Variants in HACL1 observed in about 807,000 individuals in gnomAD.
HACL1 encodes the protein 2-hydroxyacyl-CoA lyase 1.
A neutral mutation model predicts 74.2 loss-of-function variants in HACL1; 64 were observed. That is an observed-to-expected ratio of 0.86 (90% CI 0.70 to 1.06). The LOEUF is 1.06. HACL1 is among the 50% of genes least tolerant of loss of function. HACL1 has a pLI of 0.00. For synonymous variants in HACL1, 230 were observed against 238.8 expected, an observed-to-expected ratio of 0.96 and a Z score of 0.34; for missense variants, 728 against 719.7, an observed-to-expected ratio of 1.01 and a Z score of -0.13.
intron 12 of HACL1, 31 bp downstream of exon 12, chr3:15,571,637 T>C: frequency 1.1e-6 from 1 of 887,346 alleles, no homozygotes. Context: ...GAGCCTGACC[T>C]GTTATTGAGC....
intron 3 of HACL1, 64 bp downstream of exon 3, chr3:15,596,320 G>C (rs1337442221): frequency 1.2e-6 from 1 of 830,734 alleles, no homozygotes. Flanking sequence ...TCCTTCAGCT[G>C]AAAGACGTAA....
Position 15,567,699 on chromosome 3 carries a change from C to A in HACL1, c.1409+145G>T, listed in dbSNP as rs994064089. The A allele has an allele frequency of 2.4e-5, 17 of 700,774 alleles. No homozygotes were observed. The African/African-American group carries it at 2.8e-4, about 12-fold the overall frequency. The allele number at this position is 700,774 out of a possible 1,614,324, so 43.4% of individuals were successfully genotyped here. On this transcript the variant is annotated intron_variant, in intron 14 of 16. Coordinates refer to ENST00000321169, the MANE Select transcript of HACL1 (RefSeq NM_012260.4). ...GGAAGAGAAAGACCGTGGGTTACTGCCACTAGCATCCTCAGGACAGAACAC... is the reference window on the plus strand; with the variant it reads ...GGAAGAGAAAGACCGTGGGTTACTGACACTAGCATCCTCAGGACAGAACAC...
At chr3:15,577,270 A>C (rs62243581) in intron 9 of HACL1, among the ~76,000 whole-genome samples, 2 of 152,082 alleles carry the variant, frequency 1.3e-5, no homozygotes, top group African/African-American at 4.8e-5. Flanking sequence ...GGATCACTTG[A>C]GCCTAGGGGT....
At chr3:15,592,192 GTATA>G (rs1351232176) in intron 3 of HACL1, among the ~76,000 whole-genome samples, 2 of 148,348 alleles carry the variant, frequency 1.3e-5, no homozygotes, top group Non-Finnish European at 3.0e-5. Flanking sequence ...GTATACATAC[GTATA>G]TATGTATACA....
chr3:15,600,004 G>C (rs1574954969), intron 2 of HACL1, among the ~76,000 whole-genome samples: 1 of 152,208 alleles, frequency 6.6e-6, no homozygotes, highest in Non-Finnish European at 1.5e-5. Flanking sequence ...GTAAAATGTA[G>C]AAGCAACAGA....
rs200222129 is a variant in HACL1 at position 15,568,404 on chromosome 3, C to G, written c.1250+28G>C. 7.7e-3 allele frequency: 10,843 copies of G among 1,410,560 alleles called. 59 individuals carry two copies. The highest frequency in any genetic ancestry group is 0.036 in the Middle Eastern group (198 of 5,442). 87.4% of individuals were successfully genotyped at this position (1,410,560 alleles called of 1,614,324 possible). On this transcript the variant is annotated intron_variant, in intron 13 of 16. Transcript: ENST00000321169. ...ATATTAAACACATTATAATGAATTA[C>G]GACTTCTTTCTTCTTTAGAAGTCTT...
In HACL1 at chr3:15,592,080, G is replaced by A. The variant is rs1466642477; in HGVS notation, c.228-400C>T. On this transcript the variant is annotated intron_variant, in intron 3 of 16. Coordinates refer to ENST00000321169, the MANE Select transcript of HACL1 (RefSeq NM_012260.4). ...CGTATATATACGTATATACGTATAC[G>A]TATATATACACACACTATATACGTA... Among the ~76,000 whole-genome samples, 182 of 76,254 alleles carry A rather than the reference G, an allele frequency of 2.4e-3. 2 individuals are homozygous for A. The highest frequency in any genetic ancestry group is 9.1e-3 in the African/African-American group (168 of 18,562). The allele number at this position is 76,254 out of a possible 152,430, so 50.0% of individuals were successfully genotyped here.
chr3:15,599,250 A>C (rs1279881198), intron 2 of HACL1, among the ~76,000 whole-genome samples: 1 of 152,240 alleles, frequency 6.6e-6, no homozygotes, highest in Non-Finnish European at 1.5e-5. Flanking sequence ...TGTATCCAGC[A>C]CCCAACACAG....
chr3:15,589,661 G>A, intron 4 of HACL1, 49 bp from the exon 5 acceptor site: 1 of 1,065,304 alleles, frequency 9.4e-7, no homozygotes, highest in Middle Eastern at 2.1e-4. Context: ...AGATCATCAT[G>A]TAAAACACTA....
At chr3:15,579,232 A>G (rs985535751) in intron 9 of HACL1, among the ~76,000 whole-genome samples, 58 of 152,260 alleles carry the variant, frequency 3.8e-4, no homozygotes, top group African/African-American at 1.4e-3. Flanking sequence ...CAGTACAAAA[A>G]GAGCCAGAAA....
chr3:15,584,972 G>C (rs1287284465), intron 7 of HACL1, among the ~76,000 whole-genome samples: 2 of 152,080 alleles, frequency 1.3e-5, no homozygotes, highest in African/African-American at 4.8e-5. Flanking sequence ...ACATTAACGA[G>C]GGATGTATAT....
Position 15,591,611 on chromosome 3 carries a change from GT to G in HACL1, c.296del (p.Asn99ThrfsTer2). The part of the protein sequence containing the change: ...IHALGGMANA[N>X]MNCWPLLVIG... ...AATAATGTCATTACCAGCAGTTCAT[GT>G]TTGCATTTGCCATACCGCCCAAGGC... On this transcript the variant is annotated frameshift_variant, in exon 4 of 17. Coordinates refer to ENST00000321169, the MANE Select transcript of HACL1 (RefSeq NM_012260.4). LOFTEE classifies it high-confidence loss of function. The G allele has an allele frequency of 6.3e-7, 1 of 1,594,496 alleles. No homozygotes were observed. Among genetic ancestry groups the G allele is most frequent in the Non-Finnish European group, 8.6e-7 (1 of 1,162,474 alleles).
In HACL1 at chr3:15,601,281, A is replaced by C. The variant is rs930241921; in HGVS notation, c.82-87T>G. The C allele has an allele frequency of 1.2e-5, 19 of 1,567,636 alleles. No homozygotes were observed. The East Asian group carries it at 3.4e-4, about 28-fold the overall frequency. ...CTCCCTCCCGGGCGCTAAAAGGAAAACCCCCCGACCCCCATCGCCCATTTC... is the reference window on the plus strand; with the variant it reads ...CTCCCTCCCGGGCGCTAAAAGGAAACCCCCCCGACCCCCATCGCCCATTTC... On this transcript the variant is annotated intron_variant, in intron 1 of 16. Coordinates refer to ENST00000321169, the MANE Select transcript of HACL1 (RefSeq NM_012260.4).
chr3:15,569,646 GCTCTGT>G (rs1456464605), intron 12 of HACL1, among the ~76,000 whole-genome samples: 1 of 151,974 alleles, frequency 6.6e-6, no homozygotes, highest in East Asian at 2.0e-4. Context: ...ACATGGAGAA[GCTCTGT>G]CTCTATTAAA....
At position 15,571,784 on chromosome 3, in the gene HACL1, AACAC is replaced by A. The variant is rs112501938; in HGVS notation, c.994-19_994-16del. ...TCCTCTAAAAGCTTAAAAAAAAAAA[AACAC>A]ACACACACAAACACATAAACTTTTT... On this transcript the variant is annotated splice_polypyrimidine_tract_variant and intron_variant, in intron 11 of 16. Transcript: ENST00000321169. 2 of 899,904 alleles carry A rather than the reference AACAC, an allele frequency of 2.2e-6. No homozygotes were observed. Among genetic ancestry groups the A allele is most frequent in the Non-Finnish European group, 3.5e-6 (2 of 565,012 alleles). The allele number at this position is 899,904 out of a possible 1,614,324, so 55.7% of individuals were successfully genotyped here.
chr3:15,567,629 A>T (rs2063459620), intron 14 of HACL1, among the ~76,000 whole-genome samples: 1 of 152,204 alleles, frequency 6.6e-6, no homozygotes, highest in Non-Finnish European at 1.5e-5. Context: ...CCACAGTTTT[A>T]CAGGTTTTTA....
intron 4 of HACL1, among the ~76,000 whole-genome samples, chr3:15,590,044 G>A (rs1448221214): frequency 2.3e-4 from 34 of 149,062 alleles, no homozygotes; most frequent in African/African-American, 7.6e-4. Flanking sequence ...CAAAAAAAAA[G>A]AAAGAAATTG....
chr3:15,594,130 G>A (rs956271760), intron 3 of HACL1, among the ~76,000 whole-genome samples: 1 of 152,162 alleles, frequency 6.6e-6, no homozygotes, highest in East Asian at 1.9e-4. Flanking sequence ...ATTTGAGGCT[G>A]AGCACGGTGG....
intron 4 of HACL1, among the ~76,000 whole-genome samples, chr3:15,591,252 T>TC (rs766406341): frequency 3.3e-5 from 5 of 152,198 alleles, no homozygotes; most frequent in Admixed American, 6.5e-5. Flanking sequence ...TTACTTTTTT[T>TC]CCTAAGATAT....
Sources: allele counts gnomAD v4.1 joint callset (sites outside exome capture counted in the v4.1 genomes callset), GRCh38; gene constraint gnomAD v4.1.1; transcripts MANE v1.5; gene names NCBI Gene and HGNC (gene_info 2026-07-23, HGNC 2026-07-21).